Variants in SYNE1 observed in about 807,000 individuals in gnomAD.
The protein encoded by SYNE1 is nesprin-1.
In SYNE1, 616 loss-of-function variants were observed where a neutral mutation model predicts 1,111.0. That is an observed-to-expected ratio of 0.55 (90% confidence interval 0.52 to 0.59). The LOEUF (loss-of-function observed/expected upper bound fraction) is 0.59, where lower values mean the gene tolerates loss of function less well. Among genes scored for constraint, SYNE1 ranks in the 20% least tolerant of loss-of-function variants. The probability of loss-of-function intolerance (pLI) is 0.00; values close to 1 mark genes in which losing one functional copy is unlikely to be tolerated. For missense variants in SYNE1, 10,006 were observed against 10,417.0 expected (o/e 0.96, Z 1.72); for synonymous variants, 3,855 against 3,825.8 (o/e 1.01, Z -0.28).
At chr6:152,472,918 T>C (rs1198969975) in intron 14 of SYNE1, among the ~76,000 whole-genome samples, 2 of 152,188 alleles carry the variant, frequency 1.3e-5, no homozygotes, top group Non-Finnish European at 2.9e-5. Context: ...ACAATATATT[T>C]TGAAATACCC....
intron 93 of SYNE1, 86 bp from the exon 94 acceptor site, chr6:152,294,213 AAAGGTTT>A: frequency 7.2e-7 from 1 of 1,390,264 alleles, no homozygotes; most frequent in Non-Finnish European, 9.7e-7. Context: ...CATGTCAAGG[AAAGGTTT>A]CAGATCTACA....
Position 152,321,774 on chromosome 6 carries a change from C to A in SYNE1, c.16030G>T (p.Glu5344Ter). The change falls in exon 83 of 146, where the codon GAA (glutamate) becomes TAA (stop). Residue 5344 changes from glutamate to a stop codon, truncating the protein, a stop_gained. Coordinates refer to ENST00000367255, the MANE Select transcript of SYNE1 (RefSeq NM_182961.4). LOFTEE classifies it high-confidence loss of function. ...SVKCWVQETK[E>*]YLGNPTIEID... ...TCTATTGTTGGATTCCCTAAATATT[C>A]TTTCGTTTCCTGAACCCAACATTTC... The A allele has an allele frequency of 6.2e-7, 1 of 1,613,972 alleles. No homozygotes were observed. Among genetic ancestry groups the A allele is most frequent in the Non-Finnish European group, 8.5e-7 (1 of 1,179,960 alleles).
At chr6:152,178,908 TTC>T (rs2067157564) in intron 129 of SYNE1, among the ~76,000 whole-genome samples, 1 of 138,740 alleles carries the variant, frequency 7.2e-6, no homozygotes, top group African/African-American at 3.0e-5. Flanking sequence ...AATCACCCAA[TTC>T]TTTTTTTTTT....
intron 11 of SYNE1, among the ~76,000 whole-genome samples, chr6:152,490,222 T>C (rs1182571126): frequency 6.6e-6 from 1 of 152,164 alleles, no homozygotes; most frequent in African/African-American, 2.4e-5. Context: ...TATGTGTAGG[T>C]TATATGCAAA....
chr6:152,612,376 C>T (rs1014045107), intron 3 of SYNE1, among the ~76,000 whole-genome samples: 3 of 152,116 alleles, frequency 2.0e-5, no homozygotes, highest in African/African-American at 7.2e-5. Context: ...CACCTCTATG[C>T]AAATAAACTA....
chr6:152,254,247 T>C (rs200106673), intron 104 of SYNE1, among the ~76,000 whole-genome samples: 9 of 111,346 alleles, frequency 8.1e-5, no homozygotes, highest in Admixed American at 4.0e-4. Flanking sequence ...GCATACTCTT[T>C]TTTTTTTTTT....
At chr6:152,205,361 G>T (rs892337118) in intron 126 of SYNE1, among the ~76,000 whole-genome samples, 5 of 152,110 alleles carry the variant, frequency 3.3e-5, no homozygotes, top group Admixed American at 1.3e-4. Flanking sequence ...TATGAGCCAG[G>T]TAAGGTACCA....
chr6:152,162,813 A>T (rs1379844596), intron 131 of SYNE1, among the ~76,000 whole-genome samples: 1 of 152,178 alleles, frequency 6.6e-6, no homozygotes, highest in Non-Finnish European at 1.5e-5. Flanking sequence ...TGATTATTAC[A>T]CTATGAAAAT....
rs779478483 is a variant in SYNE1, at chr6:152,189,214, C to T, written c.23301+38G>A. 4 of 1,609,928 alleles carry T rather than the reference C, an allele frequency of 2.5e-6. No homozygotes were observed. The Admixed American group carries it at 5.0e-5, about 20-fold the overall frequency. The stretch of plus-strand genomic sequence containing the variant: ...CGTTCAAATTCATCTCCCAATTTTC[C>T]ATCATCAAGATAATTCCATTTTTAG... On this transcript the variant is annotated intron_variant, in intron 128 of 145. Coordinates refer to ENST00000367255, the MANE Select transcript of SYNE1 (RefSeq NM_182961.4).
intron 14 of SYNE1, among the ~76,000 whole-genome samples, chr6:152,482,036 T>C (rs2098906245): frequency 1.3e-5 from 2 of 152,018 alleles, no homozygotes; most frequent in Admixed American, 6.6e-5. Context: ...CTAAAGGCAC[T>C]GAGTATCAGA....
Position 152,211,400 on chromosome 6 carries a change from G to A in SYNE1, c.22589+94C>T. On this transcript the variant is annotated intron_variant, in intron 124 of 145. Transcript: ENST00000367255. The stretch of plus-strand genomic sequence containing the variant: ...CCCCACTACAGTTCAATTGCCTCAG[G>A]AAGATTGGATATATGCCCTCCAATC... The A allele has an allele frequency of 4.8e-6, 5 of 1,048,956 alleles. No individual in the cohort carries two copies. The South Asian group carries it at 6.5e-5, about 14-fold the overall frequency. 65.0% of individuals were successfully genotyped at this position (1,048,956 alleles called of 1,614,324 possible).
At chr6:152,537,083 C>G (rs1049965534) in intron 4 of SYNE1, among the ~76,000 whole-genome samples, 1 of 152,080 alleles carries the variant, frequency 6.6e-6, no homozygotes, top group African/African-American at 2.4e-5. Context: ...CTTTCATTAA[C>G]AGAGCTAACA....
intron 101 of SYNE1, among the ~76,000 whole-genome samples, chr6:152,257,980 T>C (rs1439205441): frequency 6.6e-6 from 1 of 152,140 alleles, no homozygotes. Context: ...AGATAAGCTG[T>C]TGAAACTTAA....
intron 30 of SYNE1, 82 bp from the exon 31 acceptor site, chr6:152,442,327 G>C: frequency 4.5e-6 from 7 of 1,552,906 alleles, no homozygotes; most frequent in East Asian, 2.2e-5. Context: ...ACGCTTAACA[G>C]AAGTACAGAA....
At chr6:152,458,709 G>C in intron 22 of SYNE1, 48 bp downstream of exon 22, 1 of 1,594,828 alleles carries the variant, frequency 6.3e-7, no homozygotes, top group Non-Finnish European at 8.6e-7. Flanking sequence ...CCCTGGTCTT[G>C]TTACACATGC....
At chr6:152,142,310 C>A (rs1179636733) in intron 138 of SYNE1, among the ~76,000 whole-genome samples, 5 of 152,172 alleles carry the variant, frequency 3.3e-5, no homozygotes, top group African/African-American at 1.2e-4. Context: ...AAGCTGCTCC[C>A]TCTTTCTCTT....
chr6:152,257,815 G>C lies in SYNE1; in HGVS notation c.18973-1050C>G, dbSNP rs1029711996. Among the ~76,000 whole-genome samples, 59 of 152,050 alleles carry C rather than the reference G, an allele frequency of 3.9e-4. 1 individual carries two copies. The highest frequency in any genetic ancestry group is 1.5e-4 in the Non-Finnish European group (10 of 67,988). ...AAGGATAATTGATGTCCCTGAAGCA[G>C]AGATATAATAAATATAGCATAAAAT... On this transcript the variant is annotated intron_variant, in intron 101 of 145. Coordinates refer to ENST00000367255, the MANE Select transcript of SYNE1 (RefSeq NM_182961.4).
intron 55 of SYNE1, among the ~76,000 whole-genome samples, 189 bp downstream of exon 55, chr6:152,385,485 T>C (rs151293117): frequency 6.6e-6 from 1 of 152,246 alleles, no homozygotes; most frequent in African/African-American, 2.4e-5. Context: ...AATGTTACAT[T>C]GTGCTCATAA....
At chr6:152,455,678 C>T (rs781055652) in intron 23 of SYNE1, 88 bp from the exon 24 acceptor site, 5 of 1,561,634 alleles carry the variant, frequency 3.2e-6, no homozygotes, top group Admixed American at 1.7e-5. Context: ...ATTTAAAAAG[C>T]ACTTGGAAAA....
Sources: gnomAD v4.1 joint callset for allele counts (sites outside exome capture counted in the v4.1 genomes callset) on GRCh38, gnomAD v4.1.1 for gene constraint, MANE v1.5 for transcripts, NCBI Gene and HGNC (gene_info 2026-07-23, HGNC 2026-07-21) for gene names.